CAPZB: variants seen among roughly 807,000 people sequenced by gnomAD.
CAPZB encodes the protein F-actin-capping protein subunit beta.
Under a neutral mutation model 38.1 loss-of-function variants are expected in CAPZB, and 2 were observed. That is an observed-to-expected ratio of 0.05 (90% CI 0.02 to 0.17). The LOEUF is 0.17. CAPZB is among the 10% of genes least tolerant of loss of function. The pLI, the probability that CAPZB is intolerant of heterozygous loss-of-function variation, is 1.00. For missense variants in CAPZB, 161 were observed against 334.2 expected, an observed-to-expected ratio of 0.48 and a Z score of 4.04; for synonymous variants, 107 against 127.4, an observed-to-expected ratio of 0.84 and a Z score of 1.08.
chr1:19,475,125 G>T (rs1307100797), intron 1 of CAPZB, among the ~76,000 whole-genome samples: 3 of 152,176 alleles, frequency 2.0e-5, no homozygotes, highest in African/African-American at 7.2e-5. Context: ...ACATCGTGTT[G>T]TGGTTAATGT....
Position 19,469,098 on chromosome 1 carries a change from T to TTC in CAPZB, c.3+16337_3+16338insGA, listed in dbSNP as rs2094577958. Among the ~76,000 whole-genome samples the TTC allele has an allele frequency of 3.3e-5, 5 of 152,278 alleles. No individual in the cohort carries two copies. The South Asian group carries it at 1.0e-3, about 32-fold the overall frequency. ...ATTAATCAATGTCTCTTTGAATGAA[T>TTC]GGACAGGGAGACGGGTACGAAGGCC... On this transcript the variant is annotated intron_variant, in intron 1 of 8. Coordinates refer to ENST00000264202, the MANE Select transcript of CAPZB (RefSeq NM_004930.5).
At chr1:19,439,726 T>C (rs1172336998) in intron 1 of CAPZB, among the ~76,000 whole-genome samples, 1 of 152,262 alleles carries the variant, frequency 6.6e-6, no homozygotes. Context: ...CTCCCAGCTC[T>C]GCTGTGTCCT....
At chr1:19,405,541 C>CA (rs10577923) in intron 2 of CAPZB, among the ~76,000 whole-genome samples, 29,778 of 95,644 alleles carry the variant, frequency 0.31, 4,745 homozygotes, top group East Asian at 0.39. Context: ...TAGAAAGAGG[C>CA]AAAAAAAAAA....
intron 6 of CAPZB, among the ~76,000 whole-genome samples, chr1:19,350,712 T>G (rs2093987011): frequency 6.6e-6 from 1 of 152,050 alleles, no homozygotes; most frequent in South Asian, 2.1e-4. Context: ...CCTCCCAGGT[T>G]CAGGCCATCC....
At chr1:19,380,627 T>C (rs1457366949) in intron 3 of CAPZB, among the ~76,000 whole-genome samples, 1 of 152,204 alleles carries the variant, frequency 6.6e-6, no homozygotes, top group East Asian at 1.9e-4. Flanking sequence ...ATGTTCTAAA[T>C]CTGTGCTGTC....
chr1:19,401,406 A>C (rs907210301), intron 2 of CAPZB, among the ~76,000 whole-genome samples: 1 of 152,182 alleles, frequency 6.6e-6, no homozygotes, highest in African/African-American at 2.4e-5. Flanking sequence ...AGCATCGGCA[A>C]ATCTCCCCTT....
At position 19,431,582 on chromosome 1, in the gene CAPZB, G is replaced by A. The variant is rs577867748; in HGVS notation, c.4-11832C>T. On this transcript the variant is annotated intron_variant, in intron 1 of 8. Transcript: ENST00000264202. ...TAAAAATACAAAAAATCAGCTGGGC[G>A]TGGTGGCGGGCGCCTGTAGTCCCAG... Among the ~76,000 whole-genome samples, 4 of 141,280 alleles carry A rather than the reference G, an allele frequency of 2.8e-5. No homozygotes were observed. The South Asian group carries it at 6.7e-4, about 24-fold the overall frequency. 92.7% of individuals were successfully genotyped at this position (141,280 alleles called of 152,430 possible).
At chr1:19,485,079 G>A (rs574654958) in intron 1 of CAPZB, among the ~76,000 whole-genome samples, 2 of 152,316 alleles carry the variant, frequency 1.3e-5, no homozygotes, top group South Asian at 2.1e-4. Flanking sequence ...TAGACCGGGG[G>A]AGGAAGGGGG....
intron 2 of CAPZB, among the ~76,000 whole-genome samples, chr1:19,395,040 T>C (rs1296118803): frequency 6.6e-6 from 1 of 152,094 alleles, no homozygotes; most frequent in Non-Finnish European, 1.5e-5. Context: ...AAACTGTAGG[T>C]GTGTTCTGAG....
chr1:19,466,528 T>C (rs1048251575), intron 1 of CAPZB, among the ~76,000 whole-genome samples: 5 of 152,204 alleles, frequency 3.3e-5, no homozygotes, highest in Non-Finnish European at 7.3e-5. Flanking sequence ...AATGGCATCC[T>C]GCAGTCACTC....
chr1:19,389,348 A>G (rs1206644212), intron 2 of CAPZB, among the ~76,000 whole-genome samples: 2 of 152,180 alleles, frequency 1.3e-5, no homozygotes, highest in African/African-American at 4.8e-5. Context: ...AAACAGAGGG[A>G]GGCCAGTTCA....
intron 1 of CAPZB, among the ~76,000 whole-genome samples, chr1:19,423,152 T>G (rs2094408232): frequency 6.6e-6 from 1 of 152,240 alleles, no homozygotes; most frequent in African/African-American, 2.4e-5. Context: ...CAATTAATCT[T>G]AATTGGAAAT....
chr1:19,447,272 C>CTTTTTTTTTTTT (rs35692222), intron 1 of CAPZB, among the ~76,000 whole-genome samples: 1 of 74,890 alleles, frequency 1.3e-5, no homozygotes, highest in Non-Finnish European at 2.4e-5. Flanking sequence ...CAGACCTAAT[C>CTTTTTTTTTTTT]TTTTTTTTTT....
chr1:19,482,130 C>G (rs939037063), intron 1 of CAPZB, among the ~76,000 whole-genome samples: 1 of 152,204 alleles, frequency 6.6e-6, no homozygotes, highest in African/African-American at 2.4e-5. Flanking sequence ...ATGTCCTGTT[C>G]CCCACCTCAT....
chr1:19,372,941 C>T (rs1262263838), intron 4 of CAPZB, among the ~76,000 whole-genome samples: 1 of 152,074 alleles, frequency 6.6e-6, no homozygotes, highest in Admixed American at 6.5e-5. Context: ...AGGTGACTTG[C>T]GAGCAGATAA....
At chr1:19,348,759 A>AGGG (rs34640043) in intron 6 of CAPZB, among the ~76,000 whole-genome samples, 5 of 98,370 alleles carry the variant, frequency 5.1e-5, no homozygotes, top group African/African-American at 2.1e-4. Flanking sequence ...GCATCTGACA[A>AGGG]GGGGGGGGGG....
chr1:19,349,397 T>G (rs979800984), intron 6 of CAPZB, among the ~76,000 whole-genome samples: 25 of 152,058 alleles, frequency 1.6e-4, no homozygotes, highest in African/African-American at 5.8e-4. Context: ...CCCGGCTCCA[T>G]GTGGACGGCA....
At chr1:19,399,828 G>A (rs1010665538) in intron 2 of CAPZB, among the ~76,000 whole-genome samples, 8 of 152,116 alleles carry the variant, frequency 5.3e-5, no homozygotes, top group South Asian at 4.2e-4. Flanking sequence ...GACATCCTAC[G>A]AAGTTTCATA....
chr1:19,346,689 G>A (rs1417753360), intron 6 of CAPZB, among the ~76,000 whole-genome samples: 2 of 152,044 alleles, frequency 1.3e-5, no homozygotes, highest in African/African-American at 2.4e-5. Context: ...ACCTGGTTAA[G>A]AGCGGGGTGA....
Sources: gnomAD v4.1 joint callset for allele counts (sites outside exome capture counted in the v4.1 genomes callset) on GRCh38, gnomAD v4.1.1 for gene constraint, MANE v1.5 for transcripts, NCBI Gene and HGNC (gene_info 2026-07-23, HGNC 2026-07-21) for gene names.